EYA2: variants seen among roughly 807,000 people sequenced by gnomAD.
EYA2 encodes protein phosphatase EYA2.
Under a neutral mutation model 69.2 loss-of-function variants are expected in EYA2, and 31 were observed. That is an observed-to-expected ratio of 0.45 (90% CI 0.34 to 0.60). The LOEUF is 0.60. EYA2 is among the 20% of genes least tolerant of loss of function. EYA2 has a pLI of 0.02. For synonymous variants in EYA2, 257 were observed against 279.4 expected, an observed-to-expected ratio of 0.92 and a Z score of 0.80; for missense variants, 622 against 701.2, an observed-to-expected ratio of 0.89 and a Z score of 1.28.
At chr20:46,975,874 G>A (rs1051075616) in intron 1 of EYA2, among the ~76,000 whole-genome samples, 3 of 152,104 alleles carry the variant, frequency 2.0e-5, no homozygotes, top group African/African-American at 7.2e-5. Context: ...CCCACCAGCT[G>A]TTTTTATTTT....
At chr20:47,108,753 C>T (rs535905118) in intron 9 of EYA2, among the ~76,000 whole-genome samples, 3 of 151,486 alleles carry the variant, frequency 2.0e-5, no homozygotes, top group South Asian at 2.1e-4. Context: ...TTTTGAGAGA[C>T]GAGGGTCTCA....
At chr20:46,927,930 C>T (rs185536332) in intron 1 of EYA2, among the ~76,000 whole-genome samples, 11 of 152,246 alleles carry the variant, frequency 7.2e-5, no homozygotes, top group African/African-American at 1.2e-4. Flanking sequence ...TAACCCTAAC[C>T]GTGACCCGAA....
At chr20:46,927,656 A>G (rs1011937947) in intron 1 of EYA2, among the ~76,000 whole-genome samples, 4 of 152,158 alleles carry the variant, frequency 2.6e-5, no homozygotes, top group Admixed American at 2.6e-4. Flanking sequence ...TATGGAGGAA[A>G]TCACCCAGAT....
intron 1 of EYA2, among the ~76,000 whole-genome samples, chr20:46,902,009 C>T (rs1984139543): frequency 6.6e-6 from 1 of 152,148 alleles, no homozygotes; most frequent in Non-Finnish European, 1.5e-5. Context: ...GAAAGAATGC[C>T]TTAAACTCAG....
chr20:47,043,283 T>C (rs1359776427), intron 5 of EYA2, among the ~76,000 whole-genome samples: 1 of 152,144 alleles, frequency 6.6e-6, no homozygotes. Flanking sequence ...TACAGATGTA[T>C]ATTTAAGTAG....
intron 9 of EYA2, among the ~76,000 whole-genome samples, chr20:47,098,861 T>G (rs2032340668): frequency 6.6e-6 from 1 of 152,316 alleles, no homozygotes; most frequent in Admixed American, 6.5e-5. Flanking sequence ...CCTCCAAGGC[T>G]CTTCATGAGT....
intron 1 of EYA2, among the ~76,000 whole-genome samples, chr20:46,973,450 G>A (rs1980261707): frequency 6.6e-6 from 1 of 152,240 alleles, no homozygotes; most frequent in African/African-American, 2.4e-5. Flanking sequence ...GGCATGTTGA[G>A]ACAATTGGGG....
rs111677790 is a variant in EYA2 at position 47,009,679 on chromosome 20, C to G, written c.298+4595C>G. ...CACATAGTAAATATTTTTGTCTTAG[C>G]AGACCACACAGTCTCTATCTCAATC... On this transcript the variant is annotated intron_variant, in intron 4 of 15. Coordinates refer to ENST00000327619, the MANE Select transcript of EYA2 (RefSeq NM_005244.5). 5.9e-5 allele frequency among the ~76,000 whole-genome samples: 9 copies of G among 152,310 alleles called. 1 individual carries two copies. Among genetic ancestry groups the G allele is most frequent in the African/African-American group, 1.7e-4 (7 of 41,574 alleles).
chr20:47,123,738 C>G (rs2033109571), intron 9 of EYA2, among the ~76,000 whole-genome samples: 1 of 152,150 alleles, frequency 6.6e-6, no homozygotes, highest in Non-Finnish European at 1.5e-5. Context: ...CGCCTGTAAT[C>G]CCAGCACTTT....
chr20:46,971,257 C>G (rs1358490866), intron 1 of EYA2, among the ~76,000 whole-genome samples: 1 of 152,174 alleles, frequency 6.6e-6, no homozygotes. Context: ...TTATTTCTCT[C>G]TCATCTAAGA....
chr20:47,172,578 C>G (rs1392427984), intron 11 of EYA2, 129 bp from the exon 12 acceptor site: 2 of 842,362 alleles, frequency 2.4e-6, no homozygotes, highest in Admixed American at 2.6e-5. Flanking sequence ...TCGCAGCACC[C>G]TGTGCATTTC....
At chr20:47,180,644 G>A (rs1274465871) in intron 13 of EYA2, among the ~76,000 whole-genome samples, 171 bp from the exon 14 acceptor site, 1 of 152,160 alleles carries the variant, frequency 6.6e-6, no homozygotes, top group Admixed American at 6.5e-5. Flanking sequence ...GCAGCTTCAG[G>A]CTTAAAAGAG....
intron 9 of EYA2, among the ~76,000 whole-genome samples, chr20:47,112,319 TG>T (rs1463150676): frequency 6.6e-6 from 1 of 151,964 alleles, no homozygotes; most frequent in East Asian, 1.9e-4. Context: ...GACAGGGCAG[TG>T]AGTATCAAGA....
At chr20:47,086,997 CTCT>C (rs1198157650) in intron 7 of EYA2, among the ~76,000 whole-genome samples, 4 of 152,102 alleles carry the variant, frequency 2.6e-5, no homozygotes, top group Admixed American at 2.6e-4. Flanking sequence ...ATTTACATTG[CTCT>C]TCAGCATCTG....
intron 7 of EYA2, among the ~76,000 whole-genome samples, chr20:47,087,964 C>T (rs528819845): frequency 9.2e-5 from 14 of 152,350 alleles, no homozygotes; most frequent in African/African-American, 1.7e-4. Context: ...CAGTGGCTCA[C>T]GCCTGTAATC....
chr20:47,154,467 G>A (rs962433266), intron 10 of EYA2, among the ~76,000 whole-genome samples: 2 of 152,022 alleles, frequency 1.3e-5, no homozygotes, highest in African/African-American at 4.8e-5. Context: ...GAGTGGCTAA[G>A]TGAACAGCCC....
At chr20:47,146,449 G>A (rs772487963) in intron 10 of EYA2, among the ~76,000 whole-genome samples, 2 of 152,292 alleles carry the variant, frequency 1.3e-5, no homozygotes, top group African/African-American at 2.4e-5. Flanking sequence ...TTGCACCTCT[G>A]GAAGGAGGAT....
intron 9 of EYA2, among the ~76,000 whole-genome samples, chr20:47,133,173 C>T (rs192402393): frequency 1.4e-5 from 2 of 140,174 alleles, no homozygotes; most frequent in Admixed American, 6.9e-5. Context: ...TCTGTGTGCA[C>T]TGTCAGGAAG....
At chr20:46,988,229 A>C (rs1359277881) in intron 1 of EYA2, among the ~76,000 whole-genome samples, 1 of 151,006 alleles carries the variant, frequency 6.6e-6, no homozygotes, top group East Asian at 1.9e-4. Context: ...TGGGTCCTGG[A>C]AACAGCCCTC....
Sources: allele counts gnomAD v4.1 joint callset (sites outside exome capture counted in the v4.1 genomes callset), GRCh38; gene constraint gnomAD v4.1.1; transcripts MANE v1.5; gene names NCBI Gene and HGNC (gene_info 2026-07-23, HGNC 2026-07-21).